The following ATM variants were observed in gnomAD, a reference collection of about 807,000 sequenced individuals.
The protein encoded by ATM is ATM serine/threonine kinase.
In ATM, 308 loss-of-function variants were observed where a neutral mutation model predicts 387.0. That is an observed-to-expected ratio of 0.80 (90% CI 0.73 to 0.87). The LOEUF (loss-of-function observed/expected upper bound fraction) is 0.87, where lower values mean the gene tolerates loss of function less well. Ranked by LOEUF, ATM falls within the 40% of genes least tolerant of loss-of-function variation. The pLI is 0.00. For missense variants in ATM, 3,312 were observed against 3,560.9 expected (o/e 0.93, Z 1.78); for synonymous variants, 1,156 against 1,187.3 (o/e 0.97, Z 0.54).
chr11:108,329,557 G>T (rs571231870), intron 49 of ATM, among the ~76,000 whole-genome samples: 270 of 152,156 alleles, frequency 1.8e-3, no homozygotes, highest in Non-Finnish European at 3.0e-3. Flanking sequence ...GGGGCTACAG[G>T]TGCACGCCAT....
At chr11:108,239,115 T>G (rs980362128) in intron 5 of ATM, among the ~76,000 whole-genome samples, 5 of 152,208 alleles carry the variant, frequency 3.3e-5, no homozygotes, top group Non-Finnish European at 5.9e-5. Context: ...GTGTGGGATT[T>G]AGGAGGTAAT....
In ATM at chr11:108,253,969, A is replaced by C; in HGVS notation, c.2054A>C (p.Asn685Thr). 1 of 1,614,134 alleles carries C rather than the reference A, an allele frequency of 6.2e-7. No individual in the cohort carries two copies. Among genetic ancestry groups the C allele is most frequent in the Non-Finnish European group, 8.5e-7 (1 of 1,179,994 alleles). ...AGTATTGGCTTCTCTGTCCACCAGA[A>C]TCTCAAGGAATCACTGGATCGCTGT... ...QSSIGFSVHQ[N>T]LKESLDRCLL... The change falls in exon 13 of 63, where the codon AAT (asparagine) becomes ACT (threonine). Residue 685 changes from asparagine to threonine, a missense_variant. By Grantham distance (65) the Asn-to-Thr change is moderately conservative. Transcript: ENST00000675843.
intron 61 of ATM, among the ~76,000 whole-genome samples, chr11:108,359,626 C>G (rs538091017): frequency 6.6e-6 from 1 of 152,282 alleles, no homozygotes; most frequent in East Asian, 1.9e-4. Flanking sequence ...CAAACTAGAA[C>G]TCAGGATTAA....
chr11:108,337,081 G>A (rs1370210845), intron 56 of ATM, among the ~76,000 whole-genome samples: 2 of 151,934 alleles, frequency 1.3e-5, no homozygotes, highest in Admixed American at 1.3e-4. Flanking sequence ...CCCTAAATAG[G>A]GGAGTGAAGA....
chr11:108,322,612 T>C (rs1376742949), intron 45 of ATM, among the ~76,000 whole-genome samples: 1 of 152,232 alleles, frequency 6.6e-6, no homozygotes, highest in African/African-American at 2.4e-5. Flanking sequence ...ATAGTATAGT[T>C]ACTCAGGATG....
intron 57 of ATM, among the ~76,000 whole-genome samples, chr11:108,344,169 GTGT>G (rs1483535625): frequency 6.6e-6 from 1 of 152,130 alleles, no homozygotes; most frequent in Non-Finnish European, 1.5e-5. Flanking sequence ...AGTGCTATAG[GTGT>G]TGTGATGGAA....
At chr11:108,327,456 A>T (rs371819297) in intron 47 of ATM, 189 bp from the exon 48 acceptor site, 1 of 554,234 alleles carries the variant, frequency 1.8e-6, no homozygotes, top group African/African-American at 1.9e-5. Context: ...AATAATAAAC[A>T]GAGGATGATC....
intron 15 of ATM, 46 bp from the exon 16 acceptor site, chr11:108,258,940 G>GT: frequency 6.7e-7 from 1 of 1,485,046 alleles, no homozygotes; most frequent in Non-Finnish European, 9.4e-7. Flanking sequence ...AAGAATAATT[G>GT]TTTTTATTTC....
At chr11:108,268,655 G>A (rs374343554) in intron 18 of ATM, 46 bp downstream of exon 18, 1 of 1,572,738 alleles carries the variant, frequency 6.4e-7, no homozygotes, top group South Asian at 1.1e-5. Context: ...ATCTGATGTT[G>A]CTGACTAAAT....
At chr11:108,237,899 G>GTTTTTTT (rs369161623) in intron 5 of ATM, among the ~76,000 whole-genome samples, 23 of 91,998 alleles carry the variant, frequency 2.5e-4, no homozygotes, top group Non-Finnish European at 3.8e-4. Context: ...ATTTACTTAG[G>GTTTTTTT]TTTTTTTTTT....
chr11:108,288,872 G>A (rs1355670192), intron 27 of ATM, 105 bp from the exon 28 acceptor site: 13 of 1,387,220 alleles, frequency 9.4e-6, no homozygotes, highest in Non-Finnish European at 1.2e-5. Flanking sequence ...AATGGTTTTT[G>A]AATTTGGGGG....
intron 39 of ATM, among the ~76,000 whole-genome samples, chr11:108,310,949 T>C (rs1395229036): frequency 6.6e-6 from 1 of 152,184 alleles, no homozygotes; most frequent in South Asian, 2.1e-4. Flanking sequence ...CACTTTATTA[T>C]CCCAACTGCT....
chr11:108,264,425 TCAA>T (rs896264142), intron 16 of ATM, among the ~76,000 whole-genome samples: 7 of 152,166 alleles, frequency 4.6e-5, no homozygotes, highest in Non-Finnish European at 1.0e-4. Flanking sequence ...TGGACAAAAT[TCAA>T]CAACCCTTCA....
At chr11:108,332,658 C>T (rs1049566898) in intron 52 of ATM, 104 bp from the exon 53 acceptor site, 86 of 1,230,974 alleles carry the variant, frequency 7.0e-5, no homozygotes, top group Middle Eastern at 2.7e-4. Context: ...ATTCCATTGT[C>T]TAGATTTGTG....
At chr11:108,309,192 A>G (rs982441330) in intron 38 of ATM, 4 of 548,940 alleles carry the variant, frequency 7.3e-6, no homozygotes, top group Non-Finnish European at 1.3e-5. Flanking sequence ...ACAAAGAACA[A>G]CAATAAAACA....
Position 108,272,590 on chromosome 11 carries a change from C to T in ATM, c.3136C>T (p.Leu1046Phe), listed in dbSNP as rs1591608576. 6.2e-7 allele frequency: 1 copy of T among 1,613,746 alleles called. No homozygotes were observed. Among genetic ancestry groups the T allele is most frequent in the African/African-American group, 1.3e-5 (1 of 75,018 alleles). ...FSVRMALVNC[L>F]KTLLEADPYS... ...TGTAAGAATGGCCCTAGTAAATTGC[C>T]TTAAAACTTTGCTTGAGGTGAGTTT... The change falls in exon 21 of 63, where the codon CTT becomes TTT. Residue 1046 changes from leucine (L) to phenylalanine (F), a missense_variant. Around this residue, in one of 4 missense-constraint regions of ATM, gnomAD observed 1,791 missense variants for 1,804.5 expected, o/e 0.99. Coordinates refer to ENST00000675843, the MANE Select transcript of ATM (RefSeq NM_000051.4).
intron 56 of ATM, among the ~76,000 whole-genome samples, chr11:108,342,433 A>AT (rs1322970894): frequency 6.6e-6 from 1 of 152,152 alleles, no homozygotes. Context: ...TAGTATCCTA[A>AT]TTTTTTTACT....
At position 108,354,588 on chromosome 11, in the gene ATM, T is replaced by C. The variant is rs55894628; in HGVS notation, c.8787-223T>C. On this transcript the variant is annotated intron_variant, in intron 60 of 62. Transcript: ENST00000675843. ...GCCTGTAATCAATAGTGTTGTGTTATTCTTGTAAATGCCAAGCTTGTGAAA... is the reference window on the plus strand; with the variant it reads ...GCCTGTAATCAATAGTGTTGTGTTACTCTTGTAAATGCCAAGCTTGTGAAA... Among the ~76,000 whole-genome samples the C allele has an allele frequency of 9.0e-3, 1,369 of 152,336 alleles. 20 individuals carry two copies. Among genetic ancestry groups the C allele is most frequent in the African/African-American group, 0.031 (1,292 of 41,572 alleles).
In ATM at chr11:108,287,495, C is replaced by T. The variant is rs529156372; in HGVS notation, c.3994-105C>T. The T allele has an allele frequency of 9.0e-5, 62 of 686,936 alleles. No homozygotes were observed. In the South Asian group the frequency reaches 1.2e-3, roughly 13 times the overall value. The allele number at this position is 686,936 out of a possible 1,614,324, so 42.6% of individuals were successfully genotyped here. Reference sequence around the variant, plus strand: ...ACTTTGAGTCATCTATTTTCTTTTACAGTCATCGAATACTTTTGGAAATAA... The same window carrying T: ...ACTTTGAGTCATCTATTTTCTTTTATAGTCATCGAATACTTTTGGAAATAA... On this transcript the variant is annotated intron_variant, in intron 26 of 62. Transcript: ENST00000675843.
Sources: gnomAD v4.1 joint callset for allele counts (sites outside exome capture counted in the v4.1 genomes callset) on GRCh38, gnomAD v4.1.1 for gene constraint, gnomAD v4.1.1 regional missense constraint, MANE v1.5 for transcripts, NCBI Gene and HGNC (gene_info 2026-07-23, HGNC 2026-07-21) for gene names.